UNC13A: variants seen among roughly 807,000 people sequenced by gnomAD.
UNC13A encodes protein unc-13 homolog A.
UNC13A carries 61 observed loss-of-function variants against 219.7 expected under a neutral mutation model. That is an observed-to-expected ratio of 0.28 (90% CI 0.23 to 0.34). UNC13A has a LOEUF of 0.34. Among genes scored for constraint, UNC13A ranks in the 10% least tolerant of loss-of-function variants. The pLI is 1.00. For synonymous variants in UNC13A, 920 were observed against 884.6 expected (o/e 1.04, Z -0.71); for missense variants, 1,476 against 2,270.3 (o/e 0.65, Z 7.11).
At chr19:17,666,570 C>T (rs932963032) in intron 7 of UNC13A, 80 bp downstream of exon 7, 24 of 1,130,312 alleles carry the variant, frequency 2.1e-5, no homozygotes, top group Non-Finnish European at 2.9e-5. Context: ...ACTGGAGGAG[C>T]CTTTAGACAG....
chr19:17,656,030 G>A lies in UNC13A; in HGVS notation c.1136C>T (p.Pro379Leu). Reference sequence around the variant, plus strand: ...CTTGTCCTCCTTCCCTGGGGCAGCTGGCGGGAGGCTGATGCGTTTGAAGTC... The same window carrying A: ...CTTGTCCTCCTTCCCTGGGGCAGCTAGCGGGAGGCTGATGCGTTTGAAGTC... Reference protein sequence around the residue: ...PKDFKRISLPPAAPGKEDKAP... With the variant: ...PKDFKRISLPLAAPGKEDKAP... Residue 379 changes from proline to leucine, a missense_variant, in exon 10 of 44, where the codon CCA becomes CTA. Coordinates refer to ENST00000519716, the MANE Select transcript of UNC13A (RefSeq NM_001080421.3). 6.4e-7 allele frequency: 1 copy of A among 1,569,400 alleles called. No individual in the cohort carries two copies. Among genetic ancestry groups the A allele is most frequent in the Non-Finnish European group, 8.6e-7 (1 of 1,156,794 alleles).
chr19:17,617,793 C>T lies in UNC13A; in HGVS notation c.4467G>A (p.Pro1489=), dbSNP rs754427518. Residue 1489 remains proline (P), a synonymous_variant, in exon 41 of 44, where the codon CCG becomes CCA. Transcript: ENST00000519716. ...GLKKTFLEKS[P]DLQSLRYALS... The stretch of plus-strand genomic sequence containing the variant: ...GGGCATAGCGCAAGGATTGCAGGTC[C>T]GGGCTCTTCTCCAGGAAGGTCTTCT... The T allele has an allele frequency of 9.2e-5, 149 of 1,613,816 alleles. 1 individual carries two copies. Among genetic ancestry groups the T allele is most frequent in the East Asian group, 2.0e-4 (9 of 44,896 alleles).
At position 17,606,084 on chromosome 19, in the gene UNC13A, G is replaced by T; in HGVS notation, c.5082C>A (p.Ala1694=). 1 of 1,587,184 alleles carries T rather than the reference G, an allele frequency of 6.3e-7. No homozygotes were observed. Among genetic ancestry groups the T allele is most frequent in the Non-Finnish European group, 8.5e-7 (1 of 1,169,952 alleles). Residue 1694 remains alanine, a synonymous_variant, in exon 44 of 44, where the codon GCC becomes GCA. Coordinates refer to ENST00000519716, the MANE Select transcript of UNC13A (RefSeq NM_001080421.3). ...FVKLKSDTRS[A]EEGGAAPAP ...GCGCAGGCGCGGCACCGCCCTCCTC[G>T]GCGGAGCGCGTGTCCGACTTGAGCT...
rs2144893967 is a variant in UNC13A at position 17,605,236 on chromosome 19, G to C, written c.*818C>G. The C allele has an allele frequency of 6.5e-6, 1 of 152,984 alleles. No individual in the cohort carries two copies. Among genetic ancestry groups the C allele is most frequent in the East Asian group, 1.9e-4 (1 of 5,194 alleles). The allele number at this position is 152,984 out of a possible 1,614,324, so 9.5% of individuals were successfully genotyped here. ...CACACAGGCCTAAGGGAGGGGCACA[G>C]AGGGTATGGCACCTGGAACCTTGGC... On this transcript the variant is annotated 3_prime_UTR_variant, in exon 44 of 44. Coordinates refer to ENST00000519716, the MANE Select transcript of UNC13A (RefSeq NM_001080421.3).
At chr19:17,618,059 C>T (rs1427145918) in intron 40 of UNC13A, among the ~76,000 whole-genome samples, 3 of 152,174 alleles carry the variant, frequency 2.0e-5, no homozygotes, top group Non-Finnish European at 4.4e-5. Context: ...CCACCTTGGG[C>T]TCGCCCAGCC....
intron 38 of UNC13A, 79 bp from the exon 39 acceptor site, chr19:17,619,041 T>C: frequency 1.4e-6 from 2 of 1,404,490 alleles, no homozygotes; most frequent in Non-Finnish European, 2.0e-6. Flanking sequence ...ATCTTGGTTC[T>C]TGCCCAAAGG....
In UNC13A at chr19:17,618,636, A is replaced by G. The variant is rs56402117; in HGVS notation, c.4330-135T>C. Reference sequence around the variant, plus strand: ...TGTTTTCATCATCCCAGCACCCAATATGTGACTGGTACACAGCAGGTGCTC... The same window carrying G: ...TGTTTTCATCATCCCAGCACCCAATGTGTGACTGGTACACAGCAGGTGCTC... On this transcript the variant is annotated intron_variant, in intron 39 of 43. Coordinates refer to ENST00000519716, the MANE Select transcript of UNC13A (RefSeq NM_001080421.3). The G allele has an allele frequency of 5.9e-3, 5,345 of 904,238 alleles. 173 individuals are homozygous for G. In the African/African-American group the frequency reaches 0.076, roughly 13 times the overall value. The allele number at this position is 904,238 out of a possible 1,614,324, so 56.0% of individuals were successfully genotyped here.
In UNC13A at chr19:17,639,732, C is replaced by G. The variant is rs142563535; in HGVS notation, c.2856+108G>C. On this transcript the variant is annotated intron_variant, in intron 23 of 43. Transcript: ENST00000519716. ...GTGCACACATGCTGGAGGAACACAT[C>G]GTACATGCGAAGATGGGTCCTCCCA... 4.5e-6 allele frequency: 6 copies of G among 1,324,594 alleles called. No homozygotes were observed. In the African/African-American group the frequency reaches 7.2e-5, roughly 16 times the overall value. 82.1% of individuals were successfully genotyped at this position (1,324,594 alleles called of 1,614,324 possible). A position where few individuals can be genotyped will look rare whatever the true frequency, so the allele number is the denominator to read the frequency against.
In UNC13A at chr19:17,601,395, A is replaced by G. The variant is rs950331886; in HGVS notation, c.*4659T>C. ...TAATAAAATATTTTTACAGAGACCA[A>G]AAAGTCAGAATAGTGCAAAACATCT... On this transcript the variant is annotated 3_prime_UTR_variant, in exon 44 of 44. Coordinates refer to ENST00000519716, the MANE Select transcript of UNC13A (RefSeq NM_001080421.3). 1.3e-5 allele frequency: 2 copies of G among 152,604 alleles called. No individual in the cohort carries two copies. Among genetic ancestry groups the G allele is most frequent in the Non-Finnish European group, 2.9e-5 (2 of 68,044 alleles). 9.5% of individuals were successfully genotyped at this position (152,604 alleles called of 1,614,324 possible).
At chr19:17,610,135 T>C in intron 42 of UNC13A, 36 bp from the exon 43 acceptor site, 1 of 1,611,128 alleles carries the variant, frequency 6.2e-7, no homozygotes, top group Non-Finnish European at 8.5e-7. Context: ...CAGGTCAGGT[T>C]CTCCCAGTTG....
intron 39 of UNC13A, 95 bp from the exon 40 acceptor site, chr19:17,618,596 TG>T: frequency 7.8e-7 from 1 of 1,281,398 alleles, no homozygotes; most frequent in South Asian, 1.3e-5. Flanking sequence ...TTGGAGGAGC[TG>T]GGCTGAGGGT....
chr19:17,634,996 G>A (rs2076898376), intron 26 of UNC13A, among the ~76,000 whole-genome samples: 2 of 151,768 alleles, frequency 1.3e-5, no homozygotes, highest in African/African-American at 4.8e-5. Flanking sequence ...TCAGCCTCCC[G>A]AGTAGCTGGG....
chr19:17,663,668 C>T (rs910446959), intron 7 of UNC13A, 101 bp from the exon 8 acceptor site: 1 of 1,296,110 alleles, frequency 7.7e-7, no homozygotes, highest in Non-Finnish European at 1.1e-6. Flanking sequence ...ACTGCTCCCC[C>T]CACCCCAAAA....
intron 1 of UNC13A, among the ~76,000 whole-genome samples, chr19:17,678,599 C>T (rs1028528129): frequency 1.3e-5 from 2 of 151,636 alleles, no homozygotes; most frequent in African/African-American, 2.4e-5. Context: ...CTGGTTTGTT[C>T]GCTCACATCC....
At position 17,617,835 on chromosome 19, in the gene UNC13A, C is replaced by A. The variant is rs1054811672; in HGVS notation, c.4425G>T (p.Ala1475=). 1 of 1,613,876 alleles carries A rather than the reference C, an allele frequency of 6.2e-7. No homozygotes were observed. The highest frequency in any genetic ancestry group is 8.5e-7 in the Non-Finnish European group (1 of 1,179,832). ...ALDTIKQYFH[A]GGVGLKKTFL... is the part of the protein sequence containing the mutation. ...AGGTCTTCTTGAGGCCCACGCCACC[C>A]GCGTGGAAATATTGCTGGGGAGGAC... The change falls in exon 41 of 44, where the codon GCG becomes GCT. Residue 1475 remains alanine, a synonymous_variant. Transcript: ENST00000519716.
rs545987189 is a variant in UNC13A at position 17,674,200 on chromosome 19, G to C, written c.152+457C>G. On this transcript the variant is annotated intron_variant, in intron 3 of 43. Coordinates refer to ENST00000519716, the MANE Select transcript of UNC13A (RefSeq NM_001080421.3). This position sits in a 1 kb window ranked among gnomAD's most constrained non-coding sequence, Gnocchi z 5.0. ...GGGCCCTGGGGCAAGAACAAGCTGG[G>C]AAGTGTTGGAGAAAGGGGCAGAGGT... 4.6e-5 allele frequency among the ~76,000 whole-genome samples: 7 copies of C among 152,342 alleles called. No individual in the cohort carries two copies. In the South Asian group the frequency reaches 1.4e-3, roughly 32 times the overall value.
intron 26 of UNC13A, among the ~76,000 whole-genome samples, chr19:17,634,483 C>T (rs576706085): frequency 6.6e-5 from 10 of 152,108 alleles, no homozygotes; most frequent in Middle Eastern, 3.4e-3. Context: ...GGATTACAGG[C>T]GCGAGCCACT....
At position 17,627,484 on chromosome 19, in the gene UNC13A, C is replaced by T; in HGVS notation, c.3920+25G>A. ...GCTGAAGGCTGTTCCCTCCCCACTG[C>T]CCCCAGCCCTGGAGATGCTCCCACC... On this transcript the variant is annotated intron_variant, in intron 33 of 43. Transcript: ENST00000519716. This position sits in a 1 kb window ranked among gnomAD's most constrained non-coding sequence, Gnocchi z 4.7. 6.5e-7 allele frequency: 1 copy of T among 1,542,266 alleles called. No individual in the cohort carries two copies. The highest frequency in any genetic ancestry group is 1.7e-4 in the Middle Eastern group (1 of 5,966).
intron 19 of UNC13A, among the ~76,000 whole-genome samples, chr19:17,643,846 C>T (rs2076995808): frequency 6.7e-6 from 1 of 148,744 alleles, no homozygotes. Flanking sequence ...CCTGCCTCCC[C>T]CATCAGATCA....
Sources: gnomAD v4.1 joint callset for allele counts (sites outside exome capture counted in the v4.1 genomes callset) on GRCh38, gnomAD v4.1.1 for gene constraint, Gnocchi (gnomAD v3.1) non-coding constraint, MANE v1.5 for transcripts, NCBI Gene and HGNC (gene_info 2026-07-23, HGNC 2026-07-21) for gene names.